The following RAD51B variants were observed in gnomAD, a reference collection of about 807,000 sequenced individuals.
RAD51B encodes the protein DNA repair protein RAD51 homolog 2.
Under a neutral mutation model 42.2 loss-of-function variants are expected in RAD51B, and 38 were observed. The ratio of observed to expected loss-of-function variants is 0.90; its 90% CI spans 0.70 to 1.18. The LOEUF (loss-of-function observed/expected upper bound fraction) is 1.18. Ranked by LOEUF, RAD51B falls within the 50% of genes most tolerant of loss-of-function variation. RAD51B has a pLI of 0.00. For missense variants in RAD51B, 373 were observed against 400.7 expected (o/e 0.93, Z 0.59); for synonymous variants, 154 against 145.2 (o/e 1.06, Z -0.43).
intron 7 of RAD51B, among the ~76,000 whole-genome samples, chr14:68,101,322 A>G (rs942959931): frequency 5.9e-5 from 9 of 152,310 alleles, no homozygotes; most frequent in Non-Finnish European, 2.9e-5. Flanking sequence ...AAGTCTGGCA[A>G]AGTCTTAACT....
At chr14:68,154,485 A>C (rs1227183749) in intron 7 of RAD51B, among the ~76,000 whole-genome samples, 1 of 152,132 alleles carries the variant, frequency 6.6e-6, no homozygotes, top group Non-Finnish European at 1.5e-5. Flanking sequence ...GTTTCCTTAC[A>C]TGCATGCACT....
At chr14:68,016,455 G>A (rs1017653233) in intron 7 of RAD51B, among the ~76,000 whole-genome samples, 1 of 152,266 alleles carries the variant, frequency 6.6e-6, no homozygotes, top group East Asian at 1.9e-4. Context: ...AACCCCAAGA[G>A]CACAGATAAT....
At chr14:67,902,995 T>G (rs1950767) in intron 7 of RAD51B, among the ~76,000 whole-genome samples, 64,069 of 151,654 alleles carry the variant, frequency 0.42, 14,692 homozygotes, top group African/African-American at 0.58. Flanking sequence ...GATTACAGGC[T>G]CCCACCACCA....
At chr14:68,669,839 G>A (rs527656685) in intron 11 of RAD51B, among the ~76,000 whole-genome samples, 8 of 152,280 alleles carry the variant, frequency 5.3e-5, no homozygotes, top group Non-Finnish European at 8.8e-5. Context: ...CTGTGCTGCC[G>A]GGTCACTGTG....
chr14:68,238,462 AG>A (rs2080313572), intron 7 of RAD51B, among the ~76,000 whole-genome samples: 1 of 152,156 alleles, frequency 6.6e-6, no homozygotes, highest in Non-Finnish European at 1.5e-5. Flanking sequence ...CACTGTGCCC[AG>A]CTAAATTTTA....
downstream of RAD51B, among the ~76,000 whole-genome samples, chr14:68,478,989 C>G (rs930328528): frequency 1.3e-5 from 2 of 152,120 alleles, no homozygotes; most frequent in Non-Finnish European, 2.9e-5. Context: ...CACATCCAAG[C>G]CCCGGGCAGC....
At chr14:68,682,222 C>T (rs1046119441) in intron 11 of RAD51B, among the ~76,000 whole-genome samples, 8 of 151,856 alleles carry the variant, frequency 5.3e-5, no homozygotes, top group Non-Finnish European at 1.0e-4. Flanking sequence ...TCAAACCCAT[C>T]GCCTGGCCAC....
chr14:68,656,417 C>G (rs149443846), intron 11 of RAD51B, among the ~76,000 whole-genome samples: 19 of 146,046 alleles, frequency 1.3e-4, no homozygotes, highest in African/African-American at 4.8e-4. Context: ...TCTTCTCCCC[C>G]TTTTCTCAAT....
At chr14:68,613,428 A>AG (rs78730679), downstream of RAD51B, among the ~76,000 whole-genome samples, 4 of 151,464 alleles carry the variant, frequency 2.6e-5, no homozygotes, top group Non-Finnish European at 5.9e-5. Flanking sequence ...CAAAAAAAAA[A>AG]AGATTGTTAG....
At chr14:68,083,162 G>A (rs1466135217) in intron 7 of RAD51B, among the ~76,000 whole-genome samples, 1 of 152,174 alleles carries the variant, frequency 6.6e-6, no homozygotes, top group Non-Finnish European at 1.5e-5. Flanking sequence ...TTAATAAAGT[G>A]AGGTTAAAAA....
chr14:67,877,871 C>G (rs1451857612), intron 5 of RAD51B, among the ~76,000 whole-genome samples: 5 of 152,110 alleles, frequency 3.3e-5, no homozygotes, highest in Non-Finnish European at 5.9e-5. Context: ...CACCATCTTG[C>G]CCAAACTGGT....
chr14:68,478,752 A>T (rs1019692539), downstream of RAD51B, among the ~76,000 whole-genome samples: 1 of 152,186 alleles, frequency 6.6e-6, no homozygotes, highest in African/African-American at 2.4e-5. Flanking sequence ...ATCCTATTTC[A>T]TGTCTCCTAT....
intron 7 of RAD51B, among the ~76,000 whole-genome samples, chr14:68,061,476 CT>C (rs2076568315): frequency 6.6e-6 from 1 of 152,086 alleles, no homozygotes; most frequent in Non-Finnish European, 1.5e-5. Flanking sequence ...CTGTAGATTG[CT>C]TTGGGTAAGA....
At chr14:67,907,155 A>G (rs1390309138) in intron 7 of RAD51B, among the ~76,000 whole-genome samples, 1 of 151,746 alleles carries the variant, frequency 6.6e-6, no homozygotes, top group Non-Finnish European at 1.5e-5. Context: ...TGGTCTATCA[A>G]TCTTATTCAT....
At chr14:68,669,232 C>T (rs879698506) in intron 11 of RAD51B, among the ~76,000 whole-genome samples, 14 of 152,206 alleles carry the variant, frequency 9.2e-5, no homozygotes, top group East Asian at 1.9e-4. Context: ...ATAATCCCTC[C>T]GGAAATAAGC....
chr14:68,308,426 T>C (rs894500650), intron 8 of RAD51B, among the ~76,000 whole-genome samples: 2 of 152,134 alleles, frequency 1.3e-5, no homozygotes, highest in African/African-American at 4.8e-5. Context: ...ACCTCTGCAA[T>C]CTTAAAGCTG....
At chr14:68,127,634 CACACACACACACACACACACAT>C (rs1028594314) in intron 7 of RAD51B, among the ~76,000 whole-genome samples, 19 of 146,268 alleles carry the variant, frequency 1.3e-4, no homozygotes, top group South Asian at 4.2e-4. Context: ...CACACACACA[CACACACACACACACACACACAT>C]ACACACAGTA....
At chr14:68,403,210 C>T (rs1055998316) in intron 8 of RAD51B, among the ~76,000 whole-genome samples, 4 of 152,138 alleles carry the variant, frequency 2.6e-5, no homozygotes, top group Admixed American at 2.6e-4. Flanking sequence ...CTTTCATCTG[C>T]AGGGACTGGA....
At chr14:68,014,013 A>G (rs1334190272) in intron 7 of RAD51B, among the ~76,000 whole-genome samples, 1 of 152,182 alleles carries the variant, frequency 6.6e-6, no homozygotes, top group Admixed American at 6.6e-5. Context: ...GAGAATAAAT[A>G]CAATATCTTG....
Sources: allele counts gnomAD v4.1 joint callset (sites outside exome capture counted in the v4.1 genomes callset), GRCh38; gene constraint gnomAD v4.1.1; transcripts MANE v1.5; gene names NCBI Gene and HGNC (gene_info 2026-07-23, HGNC 2026-07-21).